The following G2E3 variants were observed in gnomAD, a reference collection of about 807,000 sequenced individuals.
The protein encoded by G2E3 is G2/M phase-specific E3 ubiquitin-protein ligase.
A neutral mutation model predicts 92.8 loss-of-function variants in G2E3; 35 were observed. That is an observed-to-expected ratio of 0.38 (90% CI 0.29 to 0.50). The LOEUF (loss-of-function observed/expected upper bound fraction) is 0.50. Among genes scored for constraint, G2E3 ranks in the 20% least tolerant of loss-of-function variants. The probability of loss-of-function intolerance (pLI) is 0.94; values close to 1 mark genes in which losing one functional copy is unlikely to be tolerated. For synonymous variants in G2E3, 242 were observed against 272.4 expected, an observed-to-expected ratio of 0.89 and a Z score of 1.10; for missense variants, 554 against 823.8, an observed-to-expected ratio of 0.67 and a Z score of 4.01.
At chr14:30,561,005 T>G (rs1879066567) in intron 1 of G2E3, among the ~76,000 whole-genome samples, 1 of 152,234 alleles carries the variant, frequency 6.6e-6, no homozygotes, top group African/African-American at 2.4e-5. Context: ...GTTTAACCTC[T>G]CTGCTTCATT....
Position 30,593,539 on chromosome 14 carries a change from C to T in G2E3, c.428C>T (p.Pro143Leu). 1.3e-6 allele frequency: 2 copies of T among 1,570,854 alleles called. No individual in the cohort carries two copies. Among genetic ancestry groups the T allele is most frequent in the Non-Finnish European group, 1.8e-6 (2 of 1,141,326 alleles). The change falls in exon 6 of 15, where the codon CCA (proline) becomes CTA (leucine). Residue 143 changes from proline (P) to leucine (L), a missense_variant. Pro to Leu is a moderately conservative substitution (Grantham distance 98). Coordinates refer to ENST00000206595, the MANE Select transcript of G2E3 (RefSeq NM_017769.5). ...TCTAATAATTATAGAGAGTCCTTAC[C>T]ATGCACCATTTGCTTGGAATTTATT... ...ITSNNYRESL[P>L]CTICLEFIEP...
intron 1 of G2E3, among the ~76,000 whole-genome samples, chr14:30,569,019 T>G (rs1879602597): frequency 6.6e-6 from 1 of 152,162 alleles, no homozygotes; most frequent in South Asian, 2.1e-4. Context: ...GAAACAGCCA[T>G]TCTTGTCTGT....
chr14:30,616,085 A>T (rs1268625748), intron 14 of G2E3, among the ~76,000 whole-genome samples, 193 bp from the exon 15 acceptor site: 1 of 152,148 alleles, frequency 6.6e-6, no homozygotes, highest in African/African-American at 2.4e-5. Context: ...TAGTCCTTCT[A>T]CTTTGAGATT....
chr14:30,596,845 A>G (rs919274641), intron 6 of G2E3, among the ~76,000 whole-genome samples: 4 of 152,248 alleles, frequency 2.6e-5, no homozygotes, highest in Admixed American at 2.0e-4. Context: ...TCTGTTAAAT[A>G]AATGCATGCT....
chr14:30,595,189 G>A (rs139279105), intron 6 of G2E3, among the ~76,000 whole-genome samples: 10 of 152,060 alleles, frequency 6.6e-5, no homozygotes, highest in Middle Eastern at 3.4e-3. Flanking sequence ...TTAGAAATTC[G>A]GTTAATACTT....
Position 30,612,354 on chromosome 14 carries a change from CAG to C in G2E3, c.1653_1654del (p.Arg551SerfsTer6). ...VKDILGYHVI[Q>X]RVHTPFESFK... ...AGACATACTTGGCTACCATGTAATT[CAG>C]AGAGTCCACACACCCTTTGAAAGGT... On this transcript the variant is annotated frameshift_variant, in exon 13 of 15. Coordinates refer to ENST00000206595, the MANE Select transcript of G2E3 (RefSeq NM_017769.5). LOFTEE classifies it high-confidence loss of function. 1.2e-6 allele frequency: 2 copies of C among 1,604,390 alleles called. No homozygotes were observed. Among genetic ancestry groups the C allele is most frequent in the Non-Finnish European group, 1.7e-6 (2 of 1,173,646 alleles).
intron 1 of G2E3, among the ~76,000 whole-genome samples, chr14:30,576,801 A>G (rs1429618864): frequency 6.6e-6 from 1 of 152,182 alleles, no homozygotes; most frequent in East Asian, 1.9e-4. Context: ...AGTCATTTCT[A>G]TAGCAAGAAT....
chr14:30,588,623 A>T (rs1016304039), intron 3 of G2E3, among the ~76,000 whole-genome samples: 1 of 152,184 alleles, frequency 6.6e-6, no homozygotes, highest in African/African-American at 2.4e-5. Flanking sequence ...ACAAATGGCA[A>T]TAGAATGCTA....
chr14:30,566,143 A>G (rs986851638), intron 1 of G2E3, among the ~76,000 whole-genome samples: 3 of 152,132 alleles, frequency 2.0e-5, no homozygotes, highest in Non-Finnish European at 4.4e-5. Context: ...TGCCAGTACC[A>G]CATTGTCTTG....
Position 30,601,669 on chromosome 14 carries a change from G to T in G2E3, c.753-101G>T, listed in dbSNP as rs549011892. The T allele has an allele frequency of 1.9e-5, 20 of 1,061,696 alleles. No homozygotes were observed. The East Asian group carries it at 4.5e-4, about 24-fold the overall frequency. The allele number at this position is 1,061,696 out of a possible 1,614,324, so 65.8% of individuals were successfully genotyped here. A position where few individuals can be genotyped will look rare whatever the true frequency, so the allele number is the denominator to read the frequency against. On this transcript the variant is annotated intron_variant, in intron 8 of 14. Coordinates refer to ENST00000206595, the MANE Select transcript of G2E3 (RefSeq NM_017769.5). ...TTTAGTAAATCGATTGGGCGGGTGT[G>T]TGCGTGTTTGTGTGTAAGAAGGCAG...
intron 2 of G2E3, among the ~76,000 whole-genome samples, chr14:30,584,784 C>G (rs1033231956): frequency 6.7e-6 from 1 of 149,068 alleles, no homozygotes; most frequent in East Asian, 1.9e-4. Context: ...GGCTACTAGA[C>G]CTTTAGATGT....
chr14:30,563,698 TG>T (rs1201921088), intron 1 of G2E3, among the ~76,000 whole-genome samples: 106 of 36,802 alleles, frequency 2.9e-3, no homozygotes, highest in African/African-American at 0.01. Flanking sequence ...GTTACTTTTG[TG>T]TGTGTGTGTG....
rs1485892898 is a variant in G2E3 at position 30,616,397 on chromosome 14, G to T, written c.1984G>T (p.Val662Phe). 1 of 1,613,030 alleles carries T rather than the reference G, an allele frequency of 6.2e-7. No individual in the cohort carries two copies. The highest frequency in any genetic ancestry group is 2.2e-5 in the East Asian group (1 of 44,812). The change falls in exon 15 of 15, where the codon GTT (valine) becomes TTT (phenylalanine). Residue 662 changes from valine (V) to phenylalanine (F), a missense_variant. Val to Phe is a conservative substitution (Grantham distance 50). Coordinates refer to ENST00000206595, the MANE Select transcript of G2E3 (RefSeq NM_017769.5). ...TGAGTGTCTGCATGTGGATTTTCCT[G>T]TTGGAAACAAGTGTAATAACTGTTT... ...SIECLHVDFP[V>F]GNKCNNCLAI... is the part of the protein sequence containing the mutation.
At chr14:30,566,885 A>G (rs189371242) in intron 1 of G2E3, among the ~76,000 whole-genome samples, 160 of 152,238 alleles carry the variant, frequency 1.1e-3, no homozygotes, top group African/African-American at 3.8e-3. Context: ...GAGTGTTTTT[A>G]TCATCAATGA....
chr14:30,579,120 C>T (rs534449455), intron 1 of G2E3, among the ~76,000 whole-genome samples: 4 of 152,048 alleles, frequency 2.6e-5, no homozygotes, highest in Non-Finnish European at 2.9e-5. Flanking sequence ...AAAGCGCCAT[C>T]GTATACCTGT....
chr14:30,590,824 G>T (rs930900886), intron 4 of G2E3: 1 of 443,984 alleles, frequency 2.3e-6, no homozygotes, highest in African/African-American at 2.0e-5. Context: ...GGTAAAAGGT[G>T]GTCTCTAAAG....
chr14:30,613,370 A>C (rs1882178233), intron 13 of G2E3, among the ~76,000 whole-genome samples: 1 of 152,232 alleles, frequency 6.6e-6, no homozygotes. Context: ...GATGTGTTTA[A>C]AATCTTTATA....
chr14:30,609,368 T>C (rs12885353), intron 12 of G2E3, among the ~76,000 whole-genome samples: 5,229 of 152,280 alleles, frequency 0.034, 119 homozygotes, highest in Non-Finnish European at 0.05. Flanking sequence ...GAGCTAAATA[T>C]CCATGTCCAA....
At chr14:30,603,804 A>G (rs980442872) in intron 10 of G2E3, among the ~76,000 whole-genome samples, 1 of 152,250 alleles carries the variant, frequency 6.6e-6, no homozygotes, top group African/African-American at 2.4e-5. Flanking sequence ...TGATCATGCC[A>G]CTATACTCTC....
Sources: allele counts gnomAD v4.1 joint callset (sites outside exome capture counted in the v4.1 genomes callset), GRCh38; gene constraint gnomAD v4.1.1; transcripts MANE v1.5; gene names NCBI Gene and HGNC (gene_info 2026-07-23, HGNC 2026-07-21).